Variants in UBE2F observed in about 807,000 individuals in gnomAD.
The protein encoded by UBE2F is NEDD8-conjugating enzyme UBE2F.
UBE2F carries 5 observed loss-of-function variants against 29.6 expected under a neutral mutation model. That is an observed-to-expected ratio of 0.17 (90% CI 0.09 to 0.36). The LOEUF (loss-of-function observed/expected upper bound fraction) is 0.36. UBE2F is among the 10% of genes least tolerant of loss of function. The pLI, the probability that UBE2F is intolerant of heterozygous loss-of-function variation, is 1.00. For synonymous variants in UBE2F, 66 were observed against 81.8 expected (o/e 0.81, Z 1.04); for missense variants, 141 against 228.5 (o/e 0.62, Z 2.47).
chr2:238,004,038 C>CT (rs2063851757), intron 4 of UBE2F, among the ~76,000 whole-genome samples: 1 of 152,194 alleles, frequency 6.6e-6, no homozygotes, highest in African/African-American at 2.4e-5. Context: ...GCTTCTCCCA[C>CT]TTAGTGTAAT....
chr2:237,971,155 T>G (rs1331513361), intron 1 of UBE2F, among the ~76,000 whole-genome samples: 2 of 152,250 alleles, frequency 1.3e-5, no homozygotes, highest in Non-Finnish European at 2.9e-5. Context: ...TATTCTTATT[T>G]GACTTTCAGG....
intron 2 of UBE2F, among the ~76,000 whole-genome samples, chr2:237,981,832 GC>G (rs764125186): frequency 6.6e-6 from 1 of 151,912 alleles, no homozygotes; most frequent in Non-Finnish European, 1.5e-5. Context: ...TCGCCACGTT[GC>G]CCAGGCTGGT....
chr2:238,015,450 C>T (rs770254067), intron 4 of UBE2F, among the ~76,000 whole-genome samples: 29 of 151,998 alleles, frequency 1.9e-4, no homozygotes, highest in Non-Finnish European at 5.9e-5. Context: ...TAGTATTCAT[C>T]AGAGAATGTA....
intron 4 of UBE2F, among the ~76,000 whole-genome samples, chr2:238,007,585 A>G (rs1230211686): frequency 6.6e-6 from 1 of 152,002 alleles, no homozygotes; most frequent in Non-Finnish European, 1.5e-5. Flanking sequence ...TAATGAATGG[A>G]TGCTTAATTT....
intron 8 of UBE2F, chr2:238,032,561 G>GCCA: frequency 3.4e-6 from 1 of 296,356 alleles, no homozygotes; most frequent in South Asian, 4.5e-5. Flanking sequence ...GTTGCAGTGA[G>GCCA]CTGAGATTGC....
intron 2 of UBE2F, among the ~76,000 whole-genome samples, chr2:237,981,988 C>T (rs934810075): frequency 4.6e-5 from 7 of 152,140 alleles, no homozygotes; most frequent in African/African-American, 1.7e-4. Context: ...AAGGTTAGGG[C>T]TGGGGCATTA....
chr2:238,010,120 T>G (rs1316860513), intron 4 of UBE2F, among the ~76,000 whole-genome samples: 1 of 152,208 alleles, frequency 6.6e-6, no homozygotes, highest in Non-Finnish European at 1.5e-5. Flanking sequence ...TTTGTCATTT[T>G]TTTATACTCT....
Position 238,011,025 on chromosome 2 carries a change from C to T in UBE2F, c.215-5541C>T, listed in dbSNP as rs1229385998. On this transcript the variant is annotated intron_variant, in intron 4 of 9. Transcript: ENST00000272930. The stretch of plus-strand genomic sequence containing the variant: ...TCAAAATCTGTCTACTTCACCTGCT[C>T]CCACCCTGATCCTAACCATTACCAT... 2.0e-5 allele frequency among the ~76,000 whole-genome samples: 3 copies of T among 152,294 alleles called. No homozygotes were observed. The East Asian group carries it at 5.8e-4, about 29-fold the overall frequency.
intron 4 of UBE2F, among the ~76,000 whole-genome samples, chr2:238,004,703 G>A (rs2063865638): frequency 6.6e-6 from 1 of 152,144 alleles, no homozygotes; most frequent in South Asian, 2.1e-4. Context: ...GATAAATTAA[G>A]ATTGCTAGTC....
intron 1 of UBE2F, among the ~76,000 whole-genome samples, chr2:237,972,074 A>G (rs933208498): frequency 2.0e-5 from 3 of 152,360 alleles, no homozygotes; most frequent in Non-Finnish European, 4.4e-5. Flanking sequence ...TGCAACACAG[A>G]TGGGGTGGAA....
At chr2:238,025,948 A>G (rs1306609849) in intron 6 of UBE2F, among the ~76,000 whole-genome samples, 1 of 152,204 alleles carries the variant, frequency 6.6e-6, no homozygotes, top group Non-Finnish European at 1.5e-5. Flanking sequence ...GATCCCTGGC[A>G]TGGGCAGAAC....
intron 2 of UBE2F, among the ~76,000 whole-genome samples, chr2:237,975,064 G>T (rs1243995706): frequency 6.6e-6 from 1 of 151,910 alleles, no homozygotes. Context: ...GAGCCACTGT[G>T]CCTGGCCTTA....
chr2:237,992,489 C>T (rs1220215579), intron 3 of UBE2F, among the ~76,000 whole-genome samples: 4 of 152,196 alleles, frequency 2.6e-5, no homozygotes, highest in Non-Finnish European at 4.4e-5. Flanking sequence ...AGGACTGTGA[C>T]ATTGTCATCT....
intron 7 of UBE2F, 79 bp downstream of exon 7, chr2:238,030,692 A>C: frequency 9.3e-7 from 1 of 1,078,196 alleles, no homozygotes; most frequent in Non-Finnish European, 1.4e-6. Flanking sequence ...CCGAGAAAGC[A>C]GCACATGTCC....
At chr2:238,039,336 G>A (rs187834442) in intron 9 of UBE2F, among the ~76,000 whole-genome samples, 47 of 152,370 alleles carry the variant, frequency 3.1e-4, no homozygotes, top group African/African-American at 9.9e-4. Flanking sequence ...TGGTGAGAGA[G>A]GAGCGCTCCA....
intron 4 of UBE2F, among the ~76,000 whole-genome samples, chr2:237,995,778 T>C (rs1021031876): frequency 2.0e-5 from 3 of 152,134 alleles, no homozygotes; most frequent in African/African-American, 7.2e-5. Context: ...GCTTGAAACC[T>C]TAAAAAAAAT....
chr2:238,003,835 C>T (rs1016687268), intron 4 of UBE2F, among the ~76,000 whole-genome samples: 1 of 152,132 alleles, frequency 6.6e-6, no homozygotes, highest in Non-Finnish European at 1.5e-5. Context: ...GACAGGCCTA[C>T]GCACTCACAT....
intron 4 of UBE2F, among the ~76,000 whole-genome samples, chr2:237,999,537 C>A: frequency 6.6e-6 from 1 of 152,148 alleles, no homozygotes; most frequent in Non-Finnish European, 1.5e-5. Flanking sequence ...CATCAGCCAT[C>A]TTGAATTGAT....
At position 237,987,970 on chromosome 2, in the gene UBE2F, A is replaced by G. The variant is rs1276645455; in HGVS notation, c.126A>G (p.Ala42=). The change falls in exon 3 of 10, where the codon GCA becomes GCG. Residue 42 remains alanine (A), a synonymous_variant. Transcript: ENST00000272930. ...VRDKLLVKEV[A]ELEANLPCTC... is the part of the protein sequence containing the mutation. ...ATTTCTTTGTTTCTACAGAGGTTGC[A>G]GAACTTGAAGCTAATTTACCTTGTA... is the stretch of plus-strand genomic sequence containing the variant. 1 of 1,504,960 alleles carries G rather than the reference A, an allele frequency of 6.6e-7. No individual in the cohort carries two copies. The highest frequency in any genetic ancestry group is 8.9e-7 in the Non-Finnish European group (1 of 1,120,792). The allele number at this position is 1,504,960 out of a possible 1,614,324, so 93.2% of individuals were successfully genotyped here.
Sources: allele counts gnomAD v4.1 joint callset (sites outside exome capture counted in the v4.1 genomes callset), GRCh38; gene constraint gnomAD v4.1.1; transcripts MANE v1.5; gene names NCBI Gene and HGNC (gene_info 2026-07-23, HGNC 2026-07-21).